The following YEATS4 variants were observed in gnomAD, a reference collection of about 807,000 sequenced individuals.
YEATS4 encodes the protein YEATS domain-containing protein 4.
In YEATS4, 17 loss-of-function variants were observed where a neutral mutation model predicts 30.1. The observed-to-expected ratio is 0.56, with a 90% CI of 0.39 to 0.85. YEATS4 has a LOEUF of 0.85. Ranked by LOEUF, YEATS4 falls within the 40% of genes least tolerant of loss-of-function variation. The pLI, the probability that YEATS4 is intolerant of heterozygous loss-of-function variation, is 0.00. For synonymous variants in YEATS4, 85 were observed against 87.5 expected (o/e 0.97, Z 0.16); for missense variants, 142 against 268.3 (o/e 0.53, Z 3.29).
At chr12:69,411,255 G>A in the YEATS4 span, among the ~76,000 whole-genome samples, 12 of 152,062 alleles carry the variant, frequency 7.9e-5, no homozygotes, top group South Asian at 2.3e-3. Context: ...TCAGCCTCCC[G>A]AGTAGCTGGG....
At chr12:69,389,127 G>A (rs899507848) in intron 6 of YEATS4, among the ~76,000 whole-genome samples, 4 of 152,212 alleles carry the variant, frequency 2.6e-5, no homozygotes, top group Non-Finnish European at 4.4e-5. Flanking sequence ...AAAGATATTG[G>A]CTTGTATTGA....
At chr12:69,383,754 A>G (rs1592858643) in intron 6 of YEATS4, among the ~76,000 whole-genome samples, 2 of 152,208 alleles carry the variant, frequency 1.3e-5, no homozygotes, top group African/African-American at 4.8e-5. Flanking sequence ...CTTGAAGTGG[A>G]TAAGAGAACA....
the YEATS4 span, among the ~76,000 whole-genome samples, chr12:69,424,357 T>G: frequency 6.6e-6 from 1 of 152,316 alleles, no homozygotes; most frequent in Admixed American, 6.5e-5. Flanking sequence ...ACAGGATGCA[T>G]ACTCTTGGTT....
chr12:69,419,234 T>TTTTG, the YEATS4 span, among the ~76,000 whole-genome samples: 5 of 146,020 alleles, frequency 3.4e-5, no homozygotes, highest in Non-Finnish European at 4.6e-5. Context: ...TTTTTTTTTT[T>TTTTG]TTTAGAGACA....
chr12:69,382,864 A>G (rs1876131594), intron 6 of YEATS4, among the ~76,000 whole-genome samples: 1 of 152,218 alleles, frequency 6.6e-6, no homozygotes, highest in Non-Finnish European at 1.5e-5. Context: ...AAAGAAAAGC[A>G]AAGGATGACT....
chr12:69,365,072 A>G (rs1875375175), intron 2 of YEATS4, among the ~76,000 whole-genome samples: 1 of 152,232 alleles, frequency 6.6e-6, no homozygotes, highest in Non-Finnish European at 1.5e-5. Context: ...ATTTGCCAAA[A>G]AAAAAGTTAA....
In YEATS4 at chr12:69,370,891, T is replaced by C. The variant is rs1875612920; in HGVS notation, c.430T>C (p.Phe144Leu). 6.2e-7 allele frequency: 1 copy of C among 1,613,046 alleles called. No homozygotes were observed. The highest frequency in any genetic ancestry group is 8.5e-7 in the Non-Finnish European group (1 of 1,179,648). Residue 144 changes from phenylalanine (F) to leucine (L), a missense_variant, in exon 6 of 7, where the codon TTT (phenylalanine) becomes CTT (leucine). By Grantham distance (22) the Phe-to-Leu change is conservative. This residue lies in a region of YEATS4 where 64 missense variants were observed against 164.0 expected (regional missense o/e 0.39). Transcript: ENST00000247843. ...VVSEFYDEMI[F>L]QDPTAMMQQL... ...TTTGTTCATTTTATCCCATTAGATA[T>C]TTCAAGACCCAACAGCAATGATGCA...
chr12:69,410,341 C>T, the YEATS4 span, among the ~76,000 whole-genome samples: 2 of 152,190 alleles, frequency 1.3e-5, no homozygotes, highest in Non-Finnish European at 2.9e-5. Flanking sequence ...TAAATCATCT[C>T]CACTGAATAG....
At chr12:69,374,982 G>C (rs1233602834) in intron 6 of YEATS4, among the ~76,000 whole-genome samples, 1 of 139,692 alleles carries the variant, frequency 7.2e-6, no homozygotes, top group Non-Finnish European at 1.6e-5. Context: ...CCACCTCCCA[G>C]ACAGGGCGGC....
At chr12:69,369,775 C>G (rs1319381756) in intron 4 of YEATS4, among the ~76,000 whole-genome samples, 1 of 152,098 alleles carries the variant, frequency 6.6e-6, no homozygotes, top group Non-Finnish European at 1.5e-5. Context: ...GTGCATTTCC[C>G]TCCTCCCCTT....
chr12:69,397,866 C>T, the YEATS4 span, among the ~76,000 whole-genome samples: 1 of 152,098 alleles, frequency 6.6e-6, no homozygotes, highest in African/African-American at 2.4e-5. Context: ...CTTATAACCT[C>T]CAGAATTGTG....
chr12:69,368,655 G>T (rs1431220017), intron 4 of YEATS4, among the ~76,000 whole-genome samples: 1 of 152,198 alleles, frequency 6.6e-6, no homozygotes, highest in Non-Finnish European at 1.5e-5. Context: ...CAGATCTGAA[G>T]GCTAGAAGTC....
chr12:69,421,128 G>T, the YEATS4 span, among the ~76,000 whole-genome samples: 1 of 152,064 alleles, frequency 6.6e-6, no homozygotes, highest in Non-Finnish European at 1.5e-5. Context: ...AAGTAGCTGG[G>T]ATTACATCTG....
chr12:69,387,780 C>G (rs1868269257), intron 6 of YEATS4, among the ~76,000 whole-genome samples: 1 of 152,144 alleles, frequency 6.6e-6, no homozygotes, highest in Admixed American at 6.5e-5. Flanking sequence ...TATCAGAGAA[C>G]ACAACAGTGA....
In YEATS4 at chr12:69,370,915, C is replaced by T; in HGVS notation, c.454C>T (p.Gln152Ter). The change falls in exon 6 of 7, where the codon CAA (glutamine) becomes TAA (stop). Residue 152 changes from glutamine to a stop codon, truncating the protein, a stop_gained. Transcript: ENST00000247843. LOFTEE classifies it high-confidence loss of function. ...MIFQDPTAMM[Q>*]QLLTTSRQLT... Reference sequence around the variant, plus strand: ...ATTTCAAGACCCAACAGCAATGATGCAACAATTATTGACAACATCTCGTCA... The same window carrying T: ...ATTTCAAGACCCAACAGCAATGATGTAACAATTATTGACAACATCTCGTCA... 6.2e-7 allele frequency: 1 copy of T among 1,613,404 alleles called. No homozygotes were observed.
the YEATS4 span, among the ~76,000 whole-genome samples, chr12:69,411,894 G>A: frequency 6.6e-6 from 1 of 152,240 alleles, no homozygotes; most frequent in African/African-American, 2.4e-5. Context: ...GGTCATGGTG[G>A]ATACTGGGAA....
At chr12:69,402,875 A>G in the YEATS4 span, among the ~76,000 whole-genome samples, 2 of 151,682 alleles carry the variant, frequency 1.3e-5, no homozygotes. Flanking sequence ...GGCATGTGCC[A>G]CCACGCCTGG....
downstream of YEATS4, among the ~76,000 whole-genome samples, chr12:69,395,312 GA>G (rs200965017): frequency 9.3e-4 from 139 of 150,158 alleles, no homozygotes; most frequent in African/African-American, 2.7e-3. Flanking sequence ...ATAAAAAATA[GA>G]AAAAAAAATG....
rs915961372 is a variant in YEATS4 at position 69,385,410 on chromosome 12, G to T, written c.515-4737G>T. ...ATATGTATAGTTTTAATAATCTGAG[G>T]GCATATGATAGTCAATATTTAGTAA... On this transcript the variant is annotated intron_variant, in intron 6 of 6. Coordinates refer to ENST00000247843, the MANE Select transcript of YEATS4 (RefSeq NM_006530.4). Among the ~76,000 whole-genome samples the T allele has an allele frequency of 6.1e-4, 93 of 152,000 alleles. 2 individuals carry two copies. Among genetic ancestry groups the T allele is most frequent in the Non-Finnish European group, 5.9e-5 (4 of 68,002 alleles).
Sources: gnomAD v4.1 joint callset for allele counts (sites outside exome capture counted in the v4.1 genomes callset) on GRCh38, gnomAD v4.1.1 for gene constraint, gnomAD v4.1.1 regional missense constraint, MANE v1.5 for transcripts, NCBI Gene and HGNC (gene_info 2026-07-23, HGNC 2026-07-21) for gene names.